Variants in ZNF280D observed in about 807,000 individuals in gnomAD.
The protein encoded by ZNF280D is suppressor of hairy wing homolog 4.
ZNF280D carries 39 observed loss-of-function variants against 94.7 expected under a neutral mutation model. That is an observed-to-expected ratio of 0.41 (90% confidence interval 0.32 to 0.54). ZNF280D has a LOEUF of 0.54. ZNF280D is among the 20% of genes least tolerant of loss of function. ZNF280D has a pLI of 0.22. For synonymous variants in ZNF280D, 398 were observed against 377.6 expected (o/e 1.05, Z -0.63); for missense variants, 1,090 against 1,149.3 (o/e 0.95, Z 0.75).
At chr15:56,700,556 G>T in intron 6 of ZNF280D, 1 of 1,081,004 alleles carries the variant, frequency 9.3e-7, no homozygotes, top group Non-Finnish European at 1.1e-6. Flanking sequence ...AATGTTTTCA[G>T]AATAAAAAGC....
intron 1 of ZNF280D, among the ~76,000 whole-genome samples, chr15:56,720,483 G>C (rs2141392869): frequency 6.6e-6 from 1 of 152,136 alleles, no homozygotes; most frequent in East Asian, 1.9e-4. Flanking sequence ...CCAAACTTCT[G>C]TTAATGTTGA....
chr15:56,704,304 G>C, intron 3 of ZNF280D, 37 bp from the exon 4 acceptor site: 1 of 1,555,612 alleles, frequency 6.4e-7, no homozygotes, highest in Non-Finnish European at 8.7e-7. Flanking sequence ...CCTCATTTTT[G>C]AAAATAAAAA....
chr15:56,708,294 C>T (rs989069741), intron 1 of ZNF280D, among the ~76,000 whole-genome samples: 6 of 152,098 alleles, frequency 3.9e-5, no homozygotes, highest in Non-Finnish European at 5.9e-5. Flanking sequence ...GAGACTCTAG[C>T]GAATCTTGTG....
chr15:56,685,936 G>A (rs2055976750), intron 9 of ZNF280D, among the ~76,000 whole-genome samples: 2 of 152,094 alleles, frequency 1.3e-5, no homozygotes, highest in Admixed American at 1.3e-4. Context: ...AATCAACTTT[G>A]CTAAAAGCAA....
At chr15:56,725,965 G>T (rs1029602621) in intron 1 of ZNF280D, among the ~76,000 whole-genome samples, 18 of 152,102 alleles carry the variant, frequency 1.2e-4, no homozygotes, top group African/African-American at 4.3e-4. Context: ...TGTTTGCAAT[G>T]AAAATGACTG....
At chr15:56,654,871 A>C (rs778718121) in intron 17 of ZNF280D, 5 of 457,790 alleles carry the variant, frequency 1.1e-5, no homozygotes, top group Non-Finnish European at 2.2e-5. Context: ...GTATTCATTC[A>C]CTTGATATTT....
intron 21 of ZNF280D, among the ~76,000 whole-genome samples, chr15:56,632,962 T>C (rs866153549): frequency 6.6e-6 from 1 of 152,220 alleles, no homozygotes; most frequent in Middle Eastern, 3.4e-3. Flanking sequence ...TGTGTGTGCA[T>C]GTTTGTACAC....
chr15:56,685,503 CAGTT>C (rs2055942363), intron 9 of ZNF280D, among the ~76,000 whole-genome samples: 1 of 152,052 alleles, frequency 6.6e-6, no homozygotes, highest in African/African-American at 2.4e-5. Flanking sequence ...AAAGGAATAT[CAGTT>C]AGAGCCACCA....
rs1452092272 is a variant in ZNF280D at position 56,667,576 on chromosome 15, T to C, written c.1546-590A>G. ...AAAGTTCATCATTTAGTATTCAGAA[T>C]GAGAAAATGTTTAATTTCATCTGTT... On this transcript the variant is annotated intron_variant, in intron 14 of 21. Transcript: ENST00000267807. Among the ~76,000 whole-genome samples the C allele has an allele frequency of 2.0e-5, 3 of 152,182 alleles. No individual in the cohort carries two copies. In the South Asian group the frequency reaches 6.2e-4, roughly 31 times the overall value.
At chr15:56,703,839 TG>T (rs2057235662) in intron 4 of ZNF280D, among the ~76,000 whole-genome samples, 1 of 148,970 alleles carries the variant, frequency 6.7e-6, no homozygotes, top group Non-Finnish European at 1.5e-5. Flanking sequence ...AGCGACAGAG[TG>T]AGACCCTGTC....
chr15:56,725,904 C>A (rs1314767572), intron 1 of ZNF280D, among the ~76,000 whole-genome samples: 1 of 151,720 alleles, frequency 6.6e-6, no homozygotes, highest in Non-Finnish European at 1.5e-5. Context: ...ATACATCATC[C>A]CAAAAATTAC....
At chr15:56,688,247 C>T (rs142129161) in intron 9 of ZNF280D, among the ~76,000 whole-genome samples, 71 of 152,228 alleles carry the variant, frequency 4.7e-4, no homozygotes, top group African/African-American at 1.6e-3. Context: ...AATCCCAGCA[C>T]TTTAGGAGGT....
intron 19 of ZNF280D, among the ~76,000 whole-genome samples, chr15:56,647,280 G>A (rs541812356): frequency 1.3e-4 from 20 of 152,264 alleles, no homozygotes; most frequent in African/African-American, 4.3e-4. Context: ...CCAAAAGAAT[G>A]TAAGTATACA....
chr15:56,729,972 T>C (rs1596725932), intron 1 of ZNF280D: 1 of 152,238 alleles, frequency 6.6e-6, no homozygotes, highest in Non-Finnish European at 1.5e-5. Context: ...CATACAAAGA[T>C]ATCTGCTGTA....
chr15:56,725,006 C>A, intron 1 of ZNF280D: 2 of 356,498 alleles, frequency 5.6e-6, no homozygotes, highest in Admixed American at 3.7e-5. Flanking sequence ...ATAGGAAAAG[C>A]AGAGCAAGTA....
intron 6 of ZNF280D, among the ~76,000 whole-genome samples, chr15:56,693,530 C>T (rs1425966281): frequency 6.6e-6 from 1 of 151,778 alleles, no homozygotes; most frequent in Non-Finnish European, 1.5e-5. Flanking sequence ...TCAACTTCTT[C>T]AAGGTAAAAG....
intron 19 of ZNF280D, chr15:56,645,478 T>C (rs1440791893): frequency 6.6e-6 from 1 of 152,186 alleles, no homozygotes; most frequent in African/African-American, 2.4e-5. Context: ...AGGACAAGCT[T>C]TTCCCTCTAA....
rs1378923074 is a variant in ZNF280D, at chr15:56,666,417, C to T, written c.1972G>A (p.Ala658Thr). The change falls in exon 16 of 22, where the codon GCC becomes ACC. Residue 658 changes from alanine to threonine, a missense_variant. Physicochemically the swap from Ala to Thr is moderately conservative, Grantham distance 58. Coordinates refer to ENST00000267807, the MANE Select transcript of ZNF280D (RefSeq NM_017661.4). ...TACCTCATCATATGATTTACATAGG[C>T]TTTGCTACAGCTAGTGTTGTATCTG... ...FCRYNTSCSK[A>T]YVNHMMSFHS... 6.2e-7 allele frequency: 1 copy of T among 1,608,596 alleles called. No homozygotes were observed.
intron 12 of ZNF280D, among the ~76,000 whole-genome samples, chr15:56,677,226 C>T (rs1456772785): frequency 1.3e-5 from 2 of 152,182 alleles, no homozygotes; most frequent in Non-Finnish European, 2.9e-5. Flanking sequence ...CCTCTTCCTT[C>T]AAATTCTTCT....
Sources: allele counts gnomAD v4.1 joint callset (sites outside exome capture counted in the v4.1 genomes callset), GRCh38; gene constraint gnomAD v4.1.1; transcripts MANE v1.5; gene names NCBI Gene and HGNC (gene_info 2026-07-23, HGNC 2026-07-21).